The following TTC28 variants were observed in gnomAD, a reference collection of about 807,000 sequenced individuals.
TTC28 encodes the protein tetratricopeptide repeat domain 28, also known as tetratricopeptide repeat protein 28.
In TTC28, 61 loss-of-function variants were observed where a neutral mutation model predicts 198.0. The observed-to-expected ratio is 0.31, with a 90% CI of 0.25 to 0.38. TTC28 has a LOEUF of 0.38. Among genes scored for constraint, TTC28 ranks in the 10% least tolerant of loss-of-function variants. TTC28 has a pLI of 1.00. For synonymous variants in TTC28, 1,171 were observed against 1,297.8 expected (o/e 0.90, Z 2.10); for missense variants, 2,678 against 3,164.0 (o/e 0.85, Z 3.69).
rs867723278 is a variant in TTC28, at chr22:27,989,913, C to T, written c.5672G>A (p.Arg1891Gln). 25 of 1,551,304 alleles carry T rather than the reference C, an allele frequency of 1.6e-5. No homozygotes were observed. Among genetic ancestry groups the T allele is most frequent in the Admixed American group, 3.9e-5 (2 of 51,010 alleles). The stretch of plus-strand genomic sequence containing the variant: ...CAGGAACTCGTGGCATCCCGGGAGC[C>T]GCCACAGCTGGACGCTGATGGAGAC... ...IQVSISVQLW[R>Q]LPGCHEFLAA... The change falls in exon 21 of 23, where the codon CGG becomes CAG. Residue 1891 changes from arginine (R) to glutamine (Q), a missense_variant. Transcript: ENST00000397906.
chr22:28,584,415 C>T (rs1470141584), intron 2 of TTC28, among the ~76,000 whole-genome samples: 1 of 152,098 alleles, frequency 6.6e-6, no homozygotes, highest in Non-Finnish European at 1.5e-5. Flanking sequence ...TCCAACCTAG[C>T]TAAATCTGGT....
chr22:28,108,273 G>A lies in TTC28; in HGVS notation c.1572C>T (p.Tyr524=), dbSNP rs897790308. The change falls in exon 7 of 23, where the codon TAC becomes TAT. Residue 524 remains tyrosine, a synonymous_variant. Coordinates refer to ENST00000397906, the MANE Select transcript of TTC28 (RefSeq NM_001145418.2). The part of the protein sequence containing the change: ...GRAYGNMGNA[Y]NALGMYDQAV... ...CCTGGTCGTACATGCCCAGGGCATT[G>A]TAGGCATTGCCCATATTCCCATAGG... 3.9e-6 allele frequency: 6 copies of A among 1,549,062 alleles called. No individual in the cohort carries two copies. Among genetic ancestry groups the A allele is most frequent in the Non-Finnish European group, 5.2e-6 (6 of 1,144,988 alleles).
At chr22:28,207,891 G>A (rs1244935622) in intron 5 of TTC28, among the ~76,000 whole-genome samples, 1 of 152,070 alleles carries the variant, frequency 6.6e-6, no homozygotes, top group East Asian at 1.9e-4. Context: ...AAAGGGTGTG[G>A]AGTATGAGGT....
chr22:28,436,615 G>A (rs2047524186), intron 2 of TTC28, among the ~76,000 whole-genome samples: 1 of 152,220 alleles, frequency 6.6e-6, no homozygotes, highest in Non-Finnish European at 1.5e-5. Flanking sequence ...AGACTATGGA[G>A]TATTATCATA....
chr22:28,536,198 CAAAAAA>C (rs59506221), intron 2 of TTC28, among the ~76,000 whole-genome samples: 1 of 64,406 alleles, frequency 1.6e-5, no homozygotes, highest in East Asian at 5.1e-4. Flanking sequence ...GACACCGTCT[CAAAAAA>C]AAAAAAAAAA....
At chr22:28,549,859 G>A (rs1291693280) in intron 2 of TTC28, among the ~76,000 whole-genome samples, 2 of 152,148 alleles carry the variant, frequency 1.3e-5, no homozygotes, top group African/African-American at 4.8e-5. Flanking sequence ...AAAGATTGGA[G>A]ATCACCGATT....
chr22:28,516,927 A>G (rs1446828386), intron 2 of TTC28, among the ~76,000 whole-genome samples: 1 of 152,220 alleles, frequency 6.6e-6, no homozygotes, highest in East Asian at 1.9e-4. Context: ...AGTCGAAAGT[A>G]TGTAATAAAT....
At chr22:28,603,399 GT>G (rs2050674744) in intron 2 of TTC28, among the ~76,000 whole-genome samples, 1 of 147,072 alleles carries the variant, frequency 6.8e-6, no homozygotes, top group East Asian at 2.0e-4. Flanking sequence ...TTTTTGTTTT[GT>G]TTTTTGAGAC....
chr22:28,058,621 ATAATACAAGTT>A (rs905633726), intron 12 of TTC28, among the ~76,000 whole-genome samples: 1 of 152,252 alleles, frequency 6.6e-6, no homozygotes, highest in Admixed American at 6.5e-5. Context: ...TATTAGGGTT[ATAATACAAGTT>A]TAATACAAGT....
At chr22:28,652,978 C>A (rs955298340) in intron 1 of TTC28, among the ~76,000 whole-genome samples, 1 of 152,228 alleles carries the variant, frequency 6.6e-6, no homozygotes, top group Middle Eastern at 3.4e-3. Flanking sequence ...TTTCATTTAC[C>A]TAAATCTGCC....
At chr22:27,983,967 A>G (rs1937116077) in intron 22 of TTC28, 116 bp from the exon 23 acceptor site, 1 of 1,073,322 alleles carries the variant, frequency 9.3e-7, no homozygotes, top group South Asian at 1.7e-5. Flanking sequence ...ATTATGCAAG[A>G]GCTACTCATA....
intron 12 of TTC28, among the ~76,000 whole-genome samples, chr22:28,076,897 T>A (rs1307610199): frequency 6.6e-6 from 1 of 152,196 alleles, no homozygotes; most frequent in East Asian, 1.9e-4. Flanking sequence ...CCATCCCTAA[T>A]CCCATAGCAA....
intron 2 of TTC28, among the ~76,000 whole-genome samples, chr22:28,466,171 G>A (rs1341934435): frequency 6.6e-6 from 1 of 152,120 alleles, no homozygotes; most frequent in African/African-American, 2.4e-5. Flanking sequence ...TATTGTTTCT[G>A]AGCCCCAGGA....
At chr22:28,445,601 G>A (rs1383198073) in intron 2 of TTC28, among the ~76,000 whole-genome samples, 3 of 152,008 alleles carry the variant, frequency 2.0e-5, no homozygotes, top group African/African-American at 7.2e-5. Flanking sequence ...CCCTTACTCA[G>A]CACCTGCCAT....
chr22:28,436,800 T>G (rs2047527279), intron 2 of TTC28, among the ~76,000 whole-genome samples: 1 of 152,240 alleles, frequency 6.6e-6, no homozygotes, highest in Non-Finnish European at 1.5e-5. Flanking sequence ...GAGGCTGGAC[T>G]AGAATTCTCA....
chr22:28,340,301 G>A (rs2045809168), intron 2 of TTC28, among the ~76,000 whole-genome samples: 2 of 152,052 alleles, frequency 1.3e-5, no homozygotes, highest in African/African-American at 2.4e-5. Context: ...TCTATGAAAT[G>A]TGATCTTCTT....
In TTC28 at chr22:28,474,208, A is replaced by G. The variant is rs996374537; in HGVS notation, c.381+155344T>C. Among the ~76,000 whole-genome samples the G allele has an allele frequency of 1.4e-4, 21 of 152,372 alleles. 1 individual carries two copies. The highest frequency in any genetic ancestry group is 1.4e-3 in the Admixed American group (21 of 15,306). ...AAGACAGCAAAGTTTTAAAAGCTAG[A>G]AAGCAGATGAACAAGTGGTAACTGA... is the stretch of plus-strand genomic sequence containing the variant. On this transcript the variant is annotated intron_variant, in intron 2 of 22. Coordinates refer to ENST00000397906, the MANE Select transcript of TTC28 (RefSeq NM_001145418.2).
intron 5 of TTC28, among the ~76,000 whole-genome samples, chr22:28,183,620 T>C (rs1003166032): frequency 3.3e-5 from 5 of 152,214 alleles, no homozygotes; most frequent in African/African-American, 9.6e-5. Flanking sequence ...TCACTATTTC[T>C]TCCAGTCAAA....
chr22:28,296,136 A>C, intron 5 of TTC28, 62 bp downstream of exon 5: 2 of 1,485,700 alleles, frequency 1.3e-6, no homozygotes, highest in South Asian at 2.7e-5. Context: ...TTTAACAGAA[A>C]ATAGAGCTCC....
Sources: gnomAD v4.1 joint callset for allele counts (sites outside exome capture counted in the v4.1 genomes callset) on GRCh38, gnomAD v4.1.1 for gene constraint, MANE v1.5 for transcripts, NCBI Gene and HGNC (gene_info 2026-07-23, HGNC 2026-07-21) for gene names.